CTU2: variants seen among roughly 807,000 people sequenced by gnomAD.
CTU2 encodes the protein cytosolic thiouridylase subunit 2.
CTU2 carries 80 observed loss-of-function variants against 64.1 expected under a neutral mutation model. That is an observed-to-expected ratio of 1.25 (90% CI 1.04 to 1.50). The LOEUF is 1.50. Among genes scored for constraint, CTU2 ranks in the 40% most tolerant of loss-of-function variants. The probability of loss-of-function intolerance (pLI) is 0.00; values close to 1 mark genes in which losing one functional copy is unlikely to be tolerated. For missense variants in CTU2, 1,110 were observed against 690.2 expected, an observed-to-expected ratio of 1.61 and a Z score of -6.81; for synonymous variants, 482 against 285.3, an observed-to-expected ratio of 1.69 and a Z score of -6.95.
chr16:88,711,745 C>T (rs944693540), intron 5 of CTU2, 50 bp downstream of exon 5: 1 of 1,543,666 alleles, frequency 6.5e-7, no homozygotes, highest in Non-Finnish European at 8.9e-7. Flanking sequence ...GGGGTAAGCC[C>T]TGCGGATCCT....
In CTU2 at chr16:88,713,666, A is replaced by C; in HGVS notation, c.893A>C (p.His298Pro). ...CCGCAGGGCTTCTCGGATGAGCGGC[A>C]CGGGGACGTGGTGGTGGTGCGGCCC... ...AWDTGFSDERHGDVVVVRPMR... is the reference protein window; with the variant it reads ...AWDTGFSDERPGDVVVVRPMR... The change falls in exon 9 of 15, where the codon CAC (histidine) becomes CCC (proline). Residue 298 changes from histidine (H) to proline (P), a missense_variant. His to Pro is a moderately conservative substitution (Grantham distance 77). Coordinates refer to ENST00000453996, the MANE Select transcript of CTU2 (RefSeq NM_001012759.3). 2 of 1,612,526 alleles carry C rather than the reference A, an allele frequency of 1.2e-6. No homozygotes were observed. Among genetic ancestry groups the C allele is most frequent in the Admixed American group, 1.7e-5 (1 of 60,002 alleles).
At chr16:88,713,927 C>T in intron 9 of CTU2, 149 bp downstream of exon 9, 1 of 1,235,534 alleles carries the variant, frequency 8.1e-7, no homozygotes, top group Non-Finnish European at 1.2e-6. Flanking sequence ...CTGAGCCCAC[C>T]CTGTGCCGTG....
intron 2 of CTU2, among the ~76,000 whole-genome samples, chr16:88,708,564 A>G (rs1180541329): frequency 6.6e-6 from 1 of 152,012 alleles, no homozygotes; most frequent in Non-Finnish European, 1.5e-5. Flanking sequence ...GTCACTTCCC[A>G]TGTCCCAGCC....
Position 88,712,900 on chromosome 16 carries a change from C to T in CTU2, c.732C>T (p.Thr244=), listed in dbSNP as rs1480002454. 1 of 1,517,092 alleles carries T rather than the reference C, an allele frequency of 6.6e-7. No homozygotes were observed. The highest frequency in any genetic ancestry group is 1.4e-5 in the African/African-American group (1 of 71,508). The allele number at this position is 1,517,092 out of a possible 1,614,324, so 94.0% of individuals were successfully genotyped here. ...CTGCCAAGGAGGAGCTTCTGCAGACCCTGCGGTGAGGCCCCGAGAGCCCCC... is the reference window on the plus strand; with the variant it reads ...CTGCCAAGGAGGAGCTTCTGCAGACTCTGCGGTGAGGCCCCGAGAGCCCCC... ...TLTAKEELLQ[T]LRTHLILHMA... The change falls in exon 7 of 15, where the codon ACC becomes ACT. Residue 244 remains threonine, a synonymous_variant. Coordinates refer to ENST00000453996, the MANE Select transcript of CTU2 (RefSeq NM_001012759.3).
chr16:88,712,567 T>G lies in CTU2; in HGVS notation c.454-55T>G, dbSNP rs187380685. On this transcript the variant is annotated intron_variant, in intron 6 of 14. Transcript: ENST00000453996. ...GCATCCCGGAAGGTGGGGCTGTCTG[T>G]GGGGGGCACCTGCCCGTGTCCCGGG... 8.4e-4 allele frequency: 1,329 copies of G among 1,579,328 alleles called. 24 individuals are homozygous for G. The East Asian group carries it at 0.025, about 30-fold the overall frequency.
In CTU2 at chr16:88,710,022, G is replaced by A. The variant is rs549808540; in HGVS notation, c.222+6G>A. On this transcript the variant is annotated splice_donor_region_variant and intron_variant, in intron 3 of 14. Transcript: ENST00000453996. ...TCATCTTTCCAGGCGAGAAGGTAGC[G>A]TCTGGGTCCTGGGGGTCTGACTGAG... 158 of 1,613,766 alleles carry A rather than the reference G, an allele frequency of 9.8e-5. 3 individuals are homozygous for A. The South Asian group carries it at 1.5e-3, about 16-fold the overall frequency.
intron 6 of CTU2, 69 bp downstream of exon 6, chr16:88,712,452 C>G (rs1911407181): frequency 2.7e-6 from 4 of 1,458,660 alleles, no homozygotes; most frequent in African/African-American, 2.8e-5. Flanking sequence ...GTGTCCCAGC[C>G]TCACTGGCCT....
intron 3 of CTU2, 49 bp from the exon 4 acceptor site, chr16:88,710,174 T>C (rs1292657458): frequency 1.2e-6 from 2 of 1,608,520 alleles, no homozygotes; most frequent in Non-Finnish European, 1.7e-6. Context: ...GTGGGGTGTC[T>C]GCCTGTGTTG....
intron 3 of CTU2, 22 bp from the exon 4 acceptor site, chr16:88,710,201 A>G (rs763066792): frequency 6.2e-7 from 1 of 1,613,554 alleles, no homozygotes; most frequent in Non-Finnish European, 8.5e-7. Flanking sequence ...CGGTGCCCTG[A>G]GTGATGTTTT....
At chr16:88,712,591 G>C (rs747305812) in intron 6 of CTU2, 31 bp from the exon 7 acceptor site, 2 of 1,599,000 alleles carry the variant, frequency 1.3e-6, no homozygotes, top group Non-Finnish European at 1.7e-6. Flanking sequence ...CCGTGTCCCG[G>C]GCCTCACTGG....
At position 88,712,378 on chromosome 16, in the gene CTU2, G is replaced by A. The variant is rs1277939424; in HGVS notation, c.448G>A (p.Glu150Lys). 1.2e-6 allele frequency: 2 copies of A among 1,601,102 alleles called. No individual in the cohort carries two copies. The highest frequency in any genetic ancestry group is 1.3e-5 in the African/African-American group (1 of 74,680). ...TGFPWHVVAL[E>K]EVFSLPPSVL... ...GTTCCCATGGCATGTGGTGGCCTTA[G>A]AGGAGGTGGGAGGGCTGTCCCTGGA... Residue 150 changes from glutamate (E) to lysine (K), a missense_variant, in exon 6 of 15, where the codon GAG (glutamate) becomes AAG (lysine). Physicochemically the swap from Glu to Lys is moderately conservative, Grantham distance 56 (BLOSUM62 1). Transcript: ENST00000453996.
Position 88,713,358 on chromosome 16 carries a change from G to A in CTU2, c.784G>A (p.Val262Ile). 6.2e-7 allele frequency: 1 copy of A among 1,601,906 alleles called. No individual in the cohort carries two copies. The highest frequency in any genetic ancestry group is 8.5e-7 in the Non-Finnish European group (1 of 1,175,630). ...GGCCCGAGCCCACGGCTACTCCAAG[G>A]TCATGACTGGGGACAGCTGCACACG... ...HMARAHGYSK[V>I]MTGDSCTRLA... is the part of the protein sequence containing the mutation. The change falls in exon 8 of 15, where the codon GTC (valine) becomes ATC (isoleucine). Residue 262 changes from valine (V) to isoleucine (I), a missense_variant. Coordinates refer to ENST00000453996, the MANE Select transcript of CTU2 (RefSeq NM_001012759.3).
At chr16:88,711,969 C>A in intron 5 of CTU2, 2 of 606,994 alleles carry the variant, frequency 3.3e-6, no homozygotes, top group Non-Finnish European at 5.9e-6. Context: ...TGCCCAGCCC[C>A]CATCACGGGG....
chr16:88,714,239 T>TGTGG lies in CTU2; in HGVS notation c.1097+16_1097+19dup, dbSNP rs748409186. ...AGCACTGTGTACAGGTGTGGGTGTG[T>TGTGG]GTGGGTGTGTGCGGGGGGTGCGCGG... On this transcript the variant is annotated intron_variant, in intron 10 of 14. Coordinates refer to ENST00000453996, the MANE Select transcript of CTU2 (RefSeq NM_001012759.3). 1 of 1,602,270 alleles carries TGTGG rather than the reference T, an allele frequency of 6.2e-7. No homozygotes were observed. Among genetic ancestry groups the TGTGG allele is most frequent in the African/African-American group, 1.4e-5 (1 of 70,726 alleles).
Position 88,713,704 on chromosome 16 carries a change from A to G in CTU2, c.931A>G (p.Thr311Ala). 1.2e-6 allele frequency: 2 copies of G among 1,612,540 alleles called. No individual in the cohort carries two copies. The highest frequency in any genetic ancestry group is 8.5e-7 in the Non-Finnish European group (1 of 1,179,858). Residue 311 changes from threonine (T) to alanine (A), a missense_variant, in exon 9 of 15, where the codon ACC (threonine) becomes GCC (alanine). By Grantham distance (58) the Thr-to-Ala change is moderately conservative. Transcript: ENST00000453996. ...GGTGGTGCGGCCCATGCGGGACCACACCCTGAAGGAGGTCGCTTTCTACAA... is the reference window on the plus strand; with the variant it reads ...GGTGGTGCGGCCCATGCGGGACCACGCCCTGAAGGAGGTCGCTTTCTACAA... ...VVVVRPMRDH[T>A]LKEVAFYNRL... is the part of the protein sequence containing the mutation.
At chr16:88,706,969 T>G in intron 1 of CTU2, 167 bp from the exon 2 acceptor site, 3 of 672,470 alleles carry the variant, frequency 4.5e-6, no homozygotes, top group Non-Finnish European at 7.7e-6. Context: ...GAGCCTTTGT[T>G]TTTCTTGAAG....
chr16:88,713,283 C>T (rs966355976), intron 7 of CTU2, 29 bp from the exon 8 acceptor site: 2 of 1,560,112 alleles, frequency 1.3e-6, no homozygotes, highest in South Asian at 1.1e-5. Flanking sequence ...CCTGCACCCC[C>T]CAGGCCCCTG....
chr16:88,712,252 T>A (rs1473089751), intron 5 of CTU2, 22 bp from the exon 6 acceptor site: 1 of 1,573,986 alleles, frequency 6.4e-7, no homozygotes, highest in African/African-American at 1.4e-5. Flanking sequence ...GAGCCCTGAC[T>A]CTTTCTGCCT....
intron 9 of CTU2, 99 bp from the exon 10 acceptor site, chr16:88,714,037 C>A: frequency 8.1e-7 from 1 of 1,237,946 alleles, no homozygotes; most frequent in South Asian, 1.3e-5. Flanking sequence ...CCCATGTGGG[C>A]CAGCAGCGTG....
Sources: gnomAD v4.1 joint callset for allele counts (sites outside exome capture counted in the v4.1 genomes callset) on GRCh38, gnomAD v4.1.1 for gene constraint, MANE v1.5 for transcripts, NCBI Gene and HGNC (gene_info 2026-07-23, HGNC 2026-07-21) for gene names.